The following DCAF4 variants were observed in gnomAD, a reference collection of about 807,000 sequenced individuals.
DCAF4 encodes DDB1- and CUL4-associated factor 4.
In DCAF4, 37 loss-of-function variants were observed where a neutral mutation model predicts 60.9. The ratio of observed to expected loss-of-function variants is 0.61; its 90% CI spans 0.47 to 0.80. DCAF4 has a LOEUF of 0.80. DCAF4 is among the 30% of genes least tolerant of loss of function. The probability of loss-of-function intolerance (pLI) is 0.00; values close to 1 mark genes in which losing one functional copy is unlikely to be tolerated. For missense variants in DCAF4, 577 were observed against 650.0 expected (o/e 0.89, Z 1.22); for synonymous variants, 243 against 254.8 (o/e 0.95, Z 0.44).
intron 12 of DCAF4, 66 bp downstream of exon 12, chr14:72,955,762 G>A: frequency 1.3e-6 from 2 of 1,485,204 alleles, no homozygotes; most frequent in Non-Finnish European, 9.2e-7. Context: ...AGGTGAAAGG[G>A]TTCTGCTGAA....
At chr14:72,930,584 C>T (rs1025308966) in intron 1 of DCAF4, among the ~76,000 whole-genome samples, 4 of 151,978 alleles carry the variant, frequency 2.6e-5, no homozygotes, top group Admixed American at 6.6e-5. Context: ...TAATGTCTTT[C>T]GATGCACGGA....
chr14:72,953,730 AAAAT>A lies in DCAF4; in HGVS notation c.809-432_809-429del, dbSNP rs1260364684. Among the ~76,000 whole-genome samples the A allele has an allele frequency of 7.7e-3, 214 of 27,772 alleles. 17 individuals carry two copies. The highest frequency in any genetic ancestry group is 9.3e-3 in the Non-Finnish European group (150 of 16,064). 18.2% of individuals were successfully genotyped at this position (27,772 alleles called of 152,430 possible). ...GTCTTAAAAAAAAAAAAAAAAAAAA[AAAAT>A]ATATATATATATATATATATATATA... On this transcript the variant is annotated intron_variant, in intron 9 of 13. Transcript: ENST00000358377.
chr14:72,953,709 T>TAAAAAAAAA (rs778771457), intron 9 of DCAF4, among the ~76,000 whole-genome samples: 1 of 10,066 alleles, frequency 9.9e-5, no homozygotes, highest in African/African-American at 3.9e-4. Context: ...GACCCTGTCT[T>TAAAAAAAAA]AAAAAAAAAA....
Position 72,943,081 on chromosome 14 carries a change from ATT to A in DCAF4, c.521_522del (p.Phe174Ter). ...ATCCCTCCGCCTTGGCAAGCGACCG[ATT>A]TAACCTCATACTGGTGAGTGGGAGG... ...MDPSALASDRFNLILADTNSD... is the reference protein window; with the variant it reads ...MDPSALASDRXNLILADTNSD... On this transcript the variant is annotated frameshift_variant, in exon 6 of 14. Transcript: ENST00000358377. LOFTEE classifies it high-confidence loss of function. 1 of 1,614,130 alleles carries A rather than the reference ATT, an allele frequency of 6.2e-7. No individual in the cohort carries two copies. Among genetic ancestry groups the A allele is most frequent in the Non-Finnish European group, 8.5e-7 (1 of 1,179,982 alleles).
intron 6 of DCAF4, among the ~76,000 whole-genome samples, chr14:72,944,035 G>T (rs1890399046): frequency 6.6e-6 from 1 of 152,216 alleles, no homozygotes; most frequent in South Asian, 2.1e-4. Context: ...ATCGTCTCTT[G>T]TGGTTGGTTC....
chr14:72,934,223 G>T (rs547432104), intron 1 of DCAF4, among the ~76,000 whole-genome samples: 1 of 150,230 alleles, frequency 6.7e-6, no homozygotes, highest in Non-Finnish European at 1.5e-5. Flanking sequence ...GCGCTATCTC[G>T]GCTCACGGCA....
At chr14:72,940,144 C>A in intron 3 of DCAF4, 76 bp from the exon 4 acceptor site, 1 of 1,571,992 alleles carries the variant, frequency 6.4e-7, no homozygotes, top group East Asian at 2.2e-5. Context: ...GGTGGGGGGA[C>A]AGGCCACTGG....
At chr14:72,948,254 C>T (rs537635023) in intron 8 of DCAF4, among the ~76,000 whole-genome samples, 3 of 152,236 alleles carry the variant, frequency 2.0e-5, no homozygotes, top group African/African-American at 7.2e-5. Flanking sequence ...GTGGTACAAT[C>T]ATAGCTCACT....
chr14:72,951,607 G>A (rs951874749), intron 8 of DCAF4, among the ~76,000 whole-genome samples, 191 bp from the exon 9 acceptor site: 15 of 151,976 alleles, frequency 9.9e-5, no homozygotes, highest in African/African-American at 2.9e-4. Flanking sequence ...GCGAAACTCC[G>A]TCTCAAAAAC....
At position 72,947,864 on chromosome 14, in the gene DCAF4, G is replaced by A. The variant is rs574086281; in HGVS notation, c.728+673G>A. 1.1e-4 allele frequency among the ~76,000 whole-genome samples: 17 copies of A among 152,324 alleles called. No homozygotes were observed. In the East Asian group the frequency reaches 3.1e-3, roughly 28 times the overall value. ...AGCAGAGCCACTTTGCTGAGAGCAC[G>A]GTAGTACAGTGTCGTGGTCCCTGGC... On this transcript the variant is annotated intron_variant, in intron 8 of 13. Coordinates refer to ENST00000358377, the MANE Select transcript of DCAF4 (RefSeq NM_015604.4).
chr14:72,939,938 G>A (rs1889800406), intron 3 of DCAF4, 36 bp downstream of exon 3: 1 of 1,545,232 alleles, frequency 6.5e-7, no homozygotes, highest in African/African-American at 1.4e-5. Context: ...CCTGGCCCTT[G>A]CACACAGGGA....
chr14:72,937,925 T>C, intron 1 of DCAF4, 46 bp from the exon 2 acceptor site: 3 of 1,526,756 alleles, frequency 2.0e-6, no homozygotes, highest in South Asian at 1.3e-5. Flanking sequence ...GAAAAGCCCA[T>C]GCCCACACAC....
chr14:72,942,817 G>A (rs1450441146), intron 5 of DCAF4, 177 bp from the exon 6 acceptor site: 1 of 602,528 alleles, frequency 1.7e-6, no homozygotes, highest in Non-Finnish European at 2.9e-6. Flanking sequence ...AGCGTTCTGT[G>A]GGGAAACTCA....
At chr14:72,940,146 G>A in intron 3 of DCAF4, 74 bp from the exon 4 acceptor site, 1 of 1,579,780 alleles carries the variant, frequency 6.3e-7, no homozygotes, top group Middle Eastern at 1.7e-4. Flanking sequence ...TGGGGGGACA[G>A]GCCACTGGGC....
At chr14:72,938,116 G>A (rs1889543094) in intron 2 of DCAF4, 46 bp downstream of exon 2, 1 of 1,560,604 alleles carries the variant, frequency 6.4e-7, no homozygotes. Flanking sequence ...GTGTGCTTCT[G>A]GCATTGTACA....
intron 1 of DCAF4, among the ~76,000 whole-genome samples, chr14:72,935,523 G>A (rs1427294587): frequency 6.6e-6 from 1 of 152,212 alleles, no homozygotes; most frequent in African/African-American, 2.4e-5. Context: ...CCAAAGTGTT[G>A]GGATTACAGG....
chr14:72,939,769 G>T (rs1286420637), intron 2 of DCAF4, 33 bp from the exon 3 acceptor site: 11 of 1,578,810 alleles, frequency 7.0e-6, no homozygotes, highest in Non-Finnish European at 8.6e-6. Flanking sequence ...CTCAAGTCCT[G>T]GGCTGCAAGT....
intron 5 of DCAF4, 80 bp downstream of exon 5, chr14:72,941,904 T>G: frequency 6.7e-7 from 1 of 1,486,356 alleles, no homozygotes; most frequent in Non-Finnish European, 9.4e-7. Flanking sequence ...AAGAATCCAG[T>G]CTGGATAGAC....
intron 5 of DCAF4, chr14:72,942,729 A>T: frequency 2.2e-6 from 1 of 458,620 alleles, no homozygotes; most frequent in Non-Finnish European, 4.0e-6. Context: ...GTACTGAATG[A>T]TGCAGACACA....
Sources: gnomAD v4.1 joint callset for allele counts (sites outside exome capture counted in the v4.1 genomes callset) on GRCh38, gnomAD v4.1.1 for gene constraint, MANE v1.5 for transcripts, NCBI Gene and HGNC (gene_info 2026-07-23, HGNC 2026-07-21) for gene names.